Variants in SBSPON observed in about 807,000 individuals in gnomAD.
The protein encoded by SBSPON is somatomedin-B and thrombospondin type-1 domain-containing protein.
SBSPON carries 30 observed loss-of-function variants against 35.8 expected under a neutral mutation model. That is an observed-to-expected ratio of 0.84 (90% CI 0.63 to 1.14). The LOEUF (loss-of-function observed/expected upper bound fraction) is 1.14. SBSPON is among the 50% of genes most tolerant of loss of function. The pLI is 0.00. For missense variants in SBSPON, 364 were observed against 357.7 expected (o/e 1.02, Z -0.14); for synonymous variants, 136 against 135.9 (o/e 1.00, Z 0.00).
At chr8:73,075,298 A>G (rs1348535923) in intron 2 of SBSPON, among the ~76,000 whole-genome samples, 1 of 152,134 alleles carries the variant, frequency 6.6e-6, no homozygotes, top group Non-Finnish European at 1.5e-5. Context: ...GGCACATTCT[A>G]TTGCCAAGGT....
chr8:73,071,756 A>AT (rs200660507), intron 3 of SBSPON, 24 bp downstream of exon 3: 2 of 1,338,372 alleles, frequency 1.5e-6, no homozygotes, highest in Non-Finnish European at 2.0e-6. Context: ...ACATGATTAA[A>AT]AAAAAAAAAA....
In SBSPON at chr8:73,081,000, A is replaced by G. The variant is rs375309988; in HGVS notation, c.409+19T>C. 2.9e-4 allele frequency: 440 copies of G among 1,539,216 alleles called. No individual in the cohort carries two copies. Among genetic ancestry groups the G allele is most frequent in the Non-Finnish European group, 3.2e-4 (365 of 1,140,084 alleles). On this transcript the variant is annotated intron_variant, in intron 2 of 4. Transcript: ENST00000297354. ...GTCATCACAGATAACAAAGGCAGCA[A>G]CCATGAAAACATCAGTACCATAGGT...
At chr8:73,088,918 G>C (rs1810883216) in intron 1 of SBSPON, among the ~76,000 whole-genome samples, 1 of 152,158 alleles carries the variant, frequency 6.6e-6, no homozygotes, top group Admixed American at 6.5e-5. Context: ...TAGCTGTTCT[G>C]TCTGTAAAAA....
rs1810404271 is a variant in SBSPON, at chr8:73,067,175, CT to C, written c.*165del. ...CTTAGTTAAAATAAAAATAAAGGACCTGTGTTCCTTGAGAACTGGCCCCTAA... is the reference window on the plus strand; with the variant it reads ...CTTAGTTAAAATAAAAATAAAGGACCGTGTTCCTTGAGAACTGGCCCCTAA... On this transcript the variant is annotated 3_prime_UTR_variant, in exon 5 of 5. Coordinates refer to ENST00000297354, the MANE Select transcript of SBSPON (RefSeq NM_153225.4). The C allele has an allele frequency of 3.9e-6, 2 of 518,778 alleles. No homozygotes were observed. The highest frequency in any genetic ancestry group is 6.2e-5 in the Admixed American group (2 of 32,062). 32.1% of individuals were successfully genotyped at this position (518,778 alleles called of 1,614,324 possible). A position where few individuals can be genotyped will look rare whatever the true frequency, so the allele number is the denominator to read the frequency against.
chr8:73,065,772 C>CT lies in SBSPON; in HGVS notation c.*1568dup, dbSNP rs1327146589. 5 of 152,068 alleles carry CT rather than the reference C, an allele frequency of 3.3e-5. No homozygotes were observed. The highest frequency in any genetic ancestry group is 6.6e-5 in the Admixed American group (1 of 15,266). 9.4% of individuals were successfully genotyped at this position (152,068 alleles called of 1,614,324 possible). On this transcript the variant is annotated 3_prime_UTR_variant, in exon 5 of 5. Coordinates refer to ENST00000297354, the MANE Select transcript of SBSPON (RefSeq NM_153225.4). ...CCAGCCTGGGCAACAGAGTGAGACT[C>CT]TGTCTCAAAGAAAAAAAAACTTTTA...
At chr8:73,079,953 T>C (rs984543930) in intron 2 of SBSPON, among the ~76,000 whole-genome samples, 1 of 152,232 alleles carries the variant, frequency 6.6e-6, no homozygotes, top group Non-Finnish European at 1.5e-5. Flanking sequence ...ACAAGGATTG[T>C]GTTGACATGA....
chr8:73,078,105 G>A (rs1394817304), intron 2 of SBSPON, among the ~76,000 whole-genome samples: 1 of 152,170 alleles, frequency 6.6e-6, no homozygotes, highest in Non-Finnish European at 1.5e-5. Flanking sequence ...AAACTCCAGT[G>A]AGCATCCGAA....
At chr8:73,077,801 G>A (rs1474378953) in intron 2 of SBSPON, among the ~76,000 whole-genome samples, 1 of 152,116 alleles carries the variant, frequency 6.6e-6, no homozygotes, top group Non-Finnish European at 1.5e-5. Context: ...ATTTTAGTGG[G>A]ACGCTCCATA....
Position 73,066,539 on chromosome 8 carries a change from G to T in SBSPON, c.*802C>A, listed in dbSNP as rs1469294200. ...TCAACTAAACTTGAAGCTGGACTCT[G>T]AAAGATTATTTTATTCAGCTTCAGG... On this transcript the variant is annotated 3_prime_UTR_variant, in exon 5 of 5. Transcript: ENST00000297354. The T allele has an allele frequency of 6.6e-6, 1 of 152,160 alleles. No homozygotes were observed. Among genetic ancestry groups the T allele is most frequent in the African/African-American group, 2.4e-5 (1 of 41,436 alleles). The allele number at this position is 152,160 out of a possible 1,614,324, so 9.4% of individuals were successfully genotyped here. A position where few individuals can be genotyped will look rare whatever the true frequency, so the allele number is the denominator to read the frequency against.
intron 1 of SBSPON, 64 bp from the exon 2 acceptor site, chr8:73,081,277 G>A: frequency 1.4e-6 from 2 of 1,381,428 alleles, no homozygotes; most frequent in Non-Finnish European, 9.8e-7. Context: ...GGCTGTTCCC[G>A]CCAACACAAA....
rs11985692 is a variant in SBSPON, at chr8:73,090,400, C to T, written c.214+2454G>A. Among the ~76,000 whole-genome samples, 511 of 152,358 alleles carry T rather than the reference C, an allele frequency of 3.4e-3. 5 individuals are homozygous for T. The highest frequency in any genetic ancestry group is 0.011 in the African/African-American group (476 of 41,598). ...AGGGAAGGCTGCATTCCAGGAGTTG[C>T]CCCGAACCAGCTTCCAGCTGCCAGG... On this transcript the variant is annotated intron_variant, in intron 1 of 4. Transcript: ENST00000297354.
At chr8:73,086,609 C>T (rs1810830760) in intron 1 of SBSPON, among the ~76,000 whole-genome samples, 1 of 152,072 alleles carries the variant, frequency 6.6e-6, no homozygotes, top group African/African-American at 2.4e-5. Context: ...TTTTCTCCCT[C>T]TCTTGCAGAA....
intron 2 of SBSPON, among the ~76,000 whole-genome samples, chr8:73,079,213 C>T (rs1810650369): frequency 6.6e-6 from 1 of 152,074 alleles, no homozygotes; most frequent in South Asian, 2.1e-4. Flanking sequence ...TTATCAGACC[C>T]CAAGATGCTG....
chr8:73,090,491 G>A (rs1216195095), intron 1 of SBSPON, among the ~76,000 whole-genome samples: 1 of 152,240 alleles, frequency 6.6e-6, no homozygotes, highest in African/African-American at 2.4e-5. Flanking sequence ...GCATGGTTGT[G>A]GCATGGGTCC....
rs1810394173 is a variant in SBSPON at position 73,066,815 on chromosome 8, G to C, written c.*526C>G. ...TGCTTACTAAAATTTTAAATAATTT[G>C]CCCTGTGGAAAAATTATTTGTGATA... is the stretch of plus-strand genomic sequence containing the variant. On this transcript the variant is annotated 3_prime_UTR_variant, in exon 5 of 5. Transcript: ENST00000297354. 6.6e-6 allele frequency: 1 copy of C among 151,962 alleles called. No homozygotes were observed. Among genetic ancestry groups the C allele is most frequent in the Non-Finnish European group, 1.5e-5 (1 of 68,018 alleles). The allele number at this position is 151,962 out of a possible 1,614,324, so 9.4% of individuals were successfully genotyped here.
Position 73,069,987 on chromosome 8 carries a change from G to A in SBSPON, c.501-6C>T. ...TCTTAAACTCCATACAGTATCTACA[G>A]CAAAAGAAGTAACAATGACACTTGC... is the stretch of plus-strand genomic sequence containing the variant. On this transcript the variant is annotated splice_polypyrimidine_tract_variant and splice_region_variant and intron_variant, in intron 3 of 4. Coordinates refer to ENST00000297354, the MANE Select transcript of SBSPON (RefSeq NM_153225.4). The A allele has an allele frequency of 6.5e-7, 1 of 1,539,018 alleles. No individual in the cohort carries two copies. The highest frequency in any genetic ancestry group is 8.8e-7 in the Non-Finnish European group (1 of 1,137,888).
intron 2 of SBSPON, among the ~76,000 whole-genome samples, chr8:73,076,648 T>C (rs1242478239): frequency 1.3e-5 from 2 of 149,186 alleles, no homozygotes; most frequent in African/African-American, 4.9e-5. Context: ...CTCCATCTTA[T>C]ATGAAAAGAA....
Position 73,092,951 on chromosome 8 carries a change from G to C in SBSPON, c.117C>G (p.Arg39=). The change falls in exon 1 of 5, where the codon CGC becomes CGG. Residue 39 remains arginine, a synonymous_variant. Coordinates refer to ENST00000297354, the MANE Select transcript of SBSPON (RefSeq NM_153225.4). The stretch of plus-strand genomic sequence containing the variant: ...CGTAGACCCTGTCCAGCCTCCAGCC[G>C]CGGGCGAAGCAGGCGGGGTCCCGGC... The part of the protein sequence containing the change: ...CPGRDPACFA[R]GWRLDRVYGT... The C allele has an allele frequency of 6.2e-7, 1 of 1,604,206 alleles. No individual in the cohort carries two copies. The highest frequency in any genetic ancestry group is 8.5e-7 in the Non-Finnish European group (1 of 1,176,908).
chr8:73,086,480 T>C (rs1810827823), intron 1 of SBSPON, among the ~76,000 whole-genome samples: 1 of 152,074 alleles, frequency 6.6e-6, no homozygotes, highest in Non-Finnish European at 1.5e-5. Context: ...CCTTTCTTTT[T>C]CTCCATGTGT....
Sources: allele counts gnomAD v4.1 joint callset (sites outside exome capture counted in the v4.1 genomes callset), GRCh38; gene constraint gnomAD v4.1.1; transcripts MANE v1.5; gene names NCBI Gene and HGNC (gene_info 2026-07-23, HGNC 2026-07-21).